PCDHGB5: variants seen among roughly 807,000 people sequenced by gnomAD.
The protein encoded by PCDHGB5 is protocadherin gamma-B5.
A neutral mutation model predicts 62.9 loss-of-function variants in PCDHGB5; 48 were observed. That is an observed-to-expected ratio of 0.76 (90% CI 0.61 to 0.97). PCDHGB5 has a LOEUF of 0.97. Among genes scored for constraint, PCDHGB5 ranks in the 50% least tolerant of loss-of-function variants. The pLI is 0.00. For missense variants in PCDHGB5, 1,118 were observed against 1,198.6 expected (o/e 0.93, Z 0.99); for synonymous variants, 474 against 511.2 (o/e 0.93, Z 0.98).
intron 1 of PCDHGB5, chr5:141,423,846 C>G: frequency 1.6e-6 from 2 of 1,278,968 alleles, no homozygotes; most frequent in Non-Finnish European, 2.0e-6. Flanking sequence ...GATAATCTTT[C>G]AGAACGTTTT....
chr5:141,398,772 G>T lies in PCDHGB5; in HGVS notation c.645G>T (p.Leu215Phe). ...ACCATCGTTTAGTCCTGACTGCCTT[G>T]GACGGTGGACATCCACCCCTAAGCG... ...QSYHRLVLTALDGGHPPLSGT... is the reference protein window; with the variant it reads ...QSYHRLVLTAFDGGHPPLSGT... Residue 215 changes from leucine (L) to phenylalanine (F), a missense_variant, in exon 1 of 4, where the codon TTG becomes TTT. Physicochemically the swap from Leu to Phe is conservative, Grantham distance 22 (BLOSUM62 0). Transcript: ENST00000617380. 1 of 1,613,910 alleles carries T rather than the reference G, an allele frequency of 6.2e-7. No homozygotes were observed. The highest frequency in any genetic ancestry group is 8.5e-7 in the Non-Finnish European group (1 of 1,179,896).
intron 1 of PCDHGB5, among the ~76,000 whole-genome samples, chr5:141,454,796 ATTTTTTTTTTTTTT>A (rs61612330): frequency 5.2e-5 from 4 of 77,408 alleles, no homozygotes; most frequent in Non-Finnish European, 9.3e-5. Flanking sequence ...CATGGTTCTA[ATTTTTTTTTTTTTT>A]TTTTTTTTTT....
At chr5:141,472,219 A>C (rs2099274667) in intron 1 of PCDHGB5, among the ~76,000 whole-genome samples, 1 of 152,210 alleles carries the variant, frequency 6.6e-6, no homozygotes, top group Non-Finnish European at 1.5e-5. Context: ...CTTACTCTCG[A>C]TCATATAATA....
chr5:141,491,954 C>CA lies in PCDHGB5; in HGVS notation c.2398-2847dup. 1 of 1,032,920 alleles carries CA rather than the reference C, an allele frequency of 9.7e-7. No homozygotes were observed. Among genetic ancestry groups the CA allele is most frequent in the Non-Finnish European group, 1.3e-6 (1 of 747,262 alleles). 64.0% of individuals were successfully genotyped at this position (1,032,920 alleles called of 1,614,324 possible). A position where few individuals can be genotyped will look rare whatever the true frequency, so the allele number is the denominator to read the frequency against. ...TGGGACCGACCCCCACCCCTACACTCAAAAAAGGCCGGGGCCTCCTTCGAG... is the reference window on the plus strand; with the variant it reads ...TGGGACCGACCCCCACCCCTACACTCAAAAAAAGGCCGGGGCCTCCTTCGAG... On this transcript the variant is annotated intron_variant, in intron 1 of 3. Coordinates refer to ENST00000617380, the MANE Select transcript of PCDHGB5 (RefSeq NM_018925.3). This position sits in a 1 kb window ranked among gnomAD's most constrained non-coding sequence, Gnocchi z 6.9.
At chr5:141,408,045 A>G (rs544263424) in intron 1 of PCDHGB5, 8 of 1,236,658 alleles carry the variant, frequency 6.5e-6, no homozygotes, top group Admixed American at 3.0e-5. Flanking sequence ...CAGCTCCCAC[A>G]CAGAGCCTCC....
Position 141,399,220 on chromosome 5 carries a change from A to T in PCDHGB5, c.1093A>T (p.Ile365Phe). 6.2e-7 allele frequency: 1 copy of T among 1,613,966 alleles called. No individual in the cohort carries two copies. The highest frequency in any genetic ancestry group is 2.2e-5 in the East Asian group (1 of 44,886). Residue 365 changes from isoleucine (I) to phenylalanine (F), a missense_variant, in exon 1 of 4, where the codon ATC (isoleucine) becomes TTC (phenylalanine). Ile to Phe is a conservative substitution (Grantham distance 21). Around this residue, in one of 2 missense-constraint regions of PCDHGB5, gnomAD observed 1,034 missense variants for 1,029.1 expected, o/e 1.00. Transcript: ENST00000617380. ...GGTGCCTGGAACACTAATTGCTTTGATCAAAATACATGACCAAGATTCTGG... is the reference window on the plus strand; with the variant it reads ...GGTGCCTGGAACACTAATTGCTTTGTTCAAAATACATGACCAAGATTCTGG... ...NAVPGTLIALIKIHDQDSGEN... is the reference protein window; with the variant it reads ...NAVPGTLIALFKIHDQDSGEN...
intron 1 of PCDHGB5, chr5:141,422,541 T>G: frequency 6.2e-7 from 1 of 1,613,992 alleles, no homozygotes; most frequent in Non-Finnish European, 8.5e-7. Context: ...CAGAAACTCA[T>G]GTCTGGCTGA....
At chr5:141,502,932 C>T (rs1039438031) in intron 2 of PCDHGB5, among the ~76,000 whole-genome samples, 2 of 143,766 alleles carry the variant, frequency 1.4e-5, no homozygotes, top group African/African-American at 5.3e-5. Context: ...CAACCTTCAC[C>T]TCCTGGGTTC....
rs1422052114 is a variant in PCDHGB5, at chr5:141,511,168, A to T, written c.2767A>T (p.Lys923Ter). The change falls in exon 4 of 4, where the codon AAG (lysine) becomes TAG (stop). Residue 923 changes from lysine to a stop codon, truncating the protein, a stop_gained. Coordinates refer to ENST00000617380, the MANE Select transcript of PCDHGB5 (RefSeq NM_018925.3). LOFTEE classifies it high-confidence loss of function. ...GAAGAAGTCGGGCAAGAAGGAGAAG[A>T]AGTAACATGGAGGCCAGGCCAAGAG... is the stretch of plus-strand genomic sequence containing the variant. The part of the protein sequence containing the change: ...NKKKSGKKEK[K>*] 1.4e-5 allele frequency: 22 copies of T among 1,614,038 alleles called. No individual in the cohort carries two copies. The highest frequency in any genetic ancestry group is 1.7e-5 in the Non-Finnish European group (20 of 1,180,008).
chr5:141,439,632 T>C (rs1335553818), intron 1 of PCDHGB5, among the ~76,000 whole-genome samples: 1 of 152,182 alleles, frequency 6.6e-6, no homozygotes, highest in Non-Finnish European at 1.5e-5. Context: ...TCCCCAGACA[T>C]TCCGGCTTGG....
chr5:141,409,295 G>A, intron 1 of PCDHGB5: 1 of 1,613,992 alleles, frequency 6.2e-7, no homozygotes, highest in Non-Finnish European at 8.5e-7. Context: ...TCCAGGAATG[G>A]TTGTTGCCCT....
intron 1 of PCDHGB5, chr5:141,422,005 A>G (rs2154549470): frequency 6.2e-7 from 1 of 1,609,814 alleles, no homozygotes; most frequent in Middle Eastern, 1.7e-4. Context: ...CAGCTCCGGA[A>G]CTCGGGTGCT....
intron 1 of PCDHGB5, among the ~76,000 whole-genome samples, chr5:141,480,299 C>T: frequency 7.5e-6 from 1 of 132,466 alleles, no homozygotes; most frequent in Non-Finnish European, 1.6e-5. Flanking sequence ...CCTGTGGTAC[C>T]AGCTACTTGG....
chr5:141,457,054 T>C (rs1410535170), intron 1 of PCDHGB5, among the ~76,000 whole-genome samples: 1 of 152,242 alleles, frequency 6.6e-6, no homozygotes, highest in Non-Finnish European at 1.5e-5. Context: ...ACTTTCATGC[T>C]TCCTTTTTGC....
intron 1 of PCDHGB5, chr5:141,422,096 C>T: frequency 6.2e-7 from 1 of 1,610,710 alleles, no homozygotes; most frequent in Non-Finnish European, 8.5e-7. Context: ...AGCAAGGCTT[C>T]TGAAATATTC....
intron 1 of PCDHGB5, chr5:141,408,637 T>C (rs766685548): frequency 4.3e-6 from 7 of 1,614,044 alleles, no homozygotes; most frequent in Non-Finnish European, 5.9e-6. Context: ...TTTTCGAATC[T>C]GCATCCGCTG....
intron 1 of PCDHGB5, among the ~76,000 whole-genome samples, chr5:141,492,685 C>T (rs919981996): frequency 1.3e-5 from 2 of 152,242 alleles, no homozygotes; most frequent in African/African-American, 2.4e-5. Context: ...CAAGGGTCGG[C>T]GACCCCTCAA....
intron 1 of PCDHGB5, among the ~76,000 whole-genome samples, chr5:141,455,890 T>G (rs1055285369): frequency 1.3e-5 from 2 of 149,264 alleles, no homozygotes; most frequent in African/African-American, 2.4e-5. Flanking sequence ...TTTATTTATT[T>G]ATTTATTTAT....
intron 1 of PCDHGB5, among the ~76,000 whole-genome samples, chr5:141,481,950 T>C (rs1378337886): frequency 2.7e-5 from 4 of 146,216 alleles, no homozygotes; most frequent in Admixed American, 1.4e-4. Flanking sequence ...CCAGATGTGG[T>C]GGCAGGTGCC....
Sources: gnomAD v4.1 joint callset for allele counts (sites outside exome capture counted in the v4.1 genomes callset) on GRCh38, gnomAD v4.1.1 for gene constraint, gnomAD v4.1.1 regional missense constraint, Gnocchi (gnomAD v3.1) non-coding constraint, MANE v1.5 for transcripts, NCBI Gene and HGNC (gene_info 2026-07-23, HGNC 2026-07-21) for gene names.